DNAH2: variants seen among roughly 807,000 people sequenced by gnomAD.
DNAH2 encodes the protein axonemal beta dynein heavy chain 2.
A neutral mutation model predicts 523.5 loss-of-function variants in DNAH2; 323 were observed. The ratio of observed to expected loss-of-function variants is 0.62; its 90% CI spans 0.56 to 0.68. The LOEUF (loss-of-function observed/expected upper bound fraction) is 0.68, where lower values mean the gene tolerates loss of function less well. Ranked by LOEUF, DNAH2 falls within the 30% of genes least tolerant of loss-of-function variation. The pLI, the probability that DNAH2 is intolerant of heterozygous loss-of-function variation, is 0.00. For missense variants in DNAH2, 4,907 were observed against 5,701.5 expected (o/e 0.86, Z 4.49); for synonymous variants, 2,093 against 2,177.4 (o/e 0.96, Z 1.08).
chr17:7,730,230 A>G (rs2074945245), intron 4 of DNAH2, among the ~76,000 whole-genome samples: 1 of 152,214 alleles, frequency 6.6e-6, no homozygotes, highest in South Asian at 2.1e-4. Flanking sequence ...AGCATGTTAT[A>G]AAACCAGTAG....
rs2077945330 is a variant in DNAH2, at chr17:7,823,991, C to T, written c.11478+9C>T. On this transcript the variant is annotated intron_variant, in intron 75 of 85. Coordinates refer to ENST00000572933, the MANE Select transcript of DNAH2 (RefSeq NM_020877.5). ...TGCTGAATATGAAGTCGGTCGGTGG[C>T]TCGGCTTCCTTGTCCCCACGGCCCA... 6.2e-7 allele frequency: 1 copy of T among 1,610,154 alleles called. No individual in the cohort carries two copies. The highest frequency in any genetic ancestry group is 1.3e-5 in the African/African-American group (1 of 75,028).
chr17:7,749,636 G>A (rs1173945540), intron 12 of DNAH2, among the ~76,000 whole-genome samples: 4 of 152,046 alleles, frequency 2.6e-5, no homozygotes, highest in Non-Finnish European at 5.9e-5. Context: ...CTGCTGAGTT[G>A]AGTAATTTTA....
At chr17:7,792,562 G>T in intron 46 of DNAH2, 95 bp from the exon 47 acceptor site, 1 of 1,141,154 alleles carries the variant, frequency 8.8e-7, no homozygotes, top group South Asian at 1.4e-5. Flanking sequence ...AGGGCAGGGT[G>T]CTGATGAGAC....
intron 39 of DNAH2, among the ~76,000 whole-genome samples, chr17:7,782,704 CG>C (rs1346413346): frequency 6.6e-6 from 1 of 152,044 alleles, no homozygotes; most frequent in African/African-American, 2.4e-5. Flanking sequence ...CGGTGGTTCA[CG>C]CCTGTCATCT....
intron 11 of DNAH2, among the ~76,000 whole-genome samples, chr17:7,741,234 C>CTT (rs1567624123): frequency 0.01 from 1,356 of 135,368 alleles, 53 homozygotes; most frequent in East Asian, 0.035. Flanking sequence ...TTTTTTCTCT[C>CTT]TCTCTTTCTT....
At chr17:7,734,435 A>G in intron 6 of DNAH2, 35 bp from the exon 7 acceptor site, 1 of 1,609,310 alleles carries the variant, frequency 6.2e-7, no homozygotes, top group Non-Finnish European at 8.5e-7. Flanking sequence ...AAGCAGTGTG[A>G]AGAAACGAAG....
At position 7,764,782 on chromosome 17, in the gene DNAH2, C is replaced by CTTT. The variant is rs59188289; in HGVS notation, c.3336+529_3336+531dup. Among the ~76,000 whole-genome samples the CTTT allele has an allele frequency of 7.6e-3, 378 of 49,474 alleles. 8 individuals carry two copies. Among genetic ancestry groups the CTTT allele is most frequent in the African/African-American group, 0.03 (332 of 11,100 alleles). The allele number at this position is 49,474 out of a possible 152,430, so 32.5% of individuals were successfully genotyped here. A position where few individuals can be genotyped will look rare whatever the true frequency, so the allele number is the denominator to read the frequency against. ...CAGCTGGATTTACTTACTGTATTTA[C>CTTT]TTTTTTTTTTTTTTTTTTTTTTGGT... On this transcript the variant is annotated intron_variant, in intron 20 of 85. Coordinates refer to ENST00000572933, the MANE Select transcript of DNAH2 (RefSeq NM_020877.5).
chr17:7,805,530 A>G, intron 61 of DNAH2, 137 bp downstream of exon 61: 1 of 1,279,636 alleles, frequency 7.8e-7, no homozygotes, highest in Non-Finnish European at 1.1e-6. Context: ...CCTAGTAGAA[A>G]GGAGACCGCA....
chr17:7,817,255 G>A (rs1429393657), intron 64 of DNAH2, 35 bp from the exon 65 acceptor site: 14 of 1,576,084 alleles, frequency 8.9e-6, no homozygotes, highest in African/African-American at 1.4e-5. Context: ...GAGTGCTGGG[G>A]CCCAGGCAGG....
chr17:7,766,950 A>G (rs2076186758), intron 22 of DNAH2, among the ~76,000 whole-genome samples: 2 of 152,206 alleles, frequency 1.3e-5, no homozygotes, highest in East Asian at 3.9e-4. Flanking sequence ...ACGCCCTGCC[A>G]AAATTAACCA....
intron 12 of DNAH2, 93 bp from the exon 13 acceptor site, chr17:7,756,998 C>A: frequency 6.4e-7 from 1 of 1,553,508 alleles, no homozygotes; most frequent in South Asian, 1.2e-5. Flanking sequence ...CTCGACATTT[C>A]CCTGTGCTTC....
rs560465625 is a variant in DNAH2 at position 7,778,298 on chromosome 17, C to T, written c.5370C>T (p.Thr1790=). The part of the protein sequence containing the change: ...PLTDRCYMTL[T]TALHLHRGGS... The stretch of plus-strand genomic sequence containing the variant: ...TTCTCAGGTGTTACATGACACTGAC[C>T]ACGGCATTGCACCTGCACCGAGGGG... The change falls in exon 35 of 86, where the codon ACC becomes ACT. Residue 1790 remains threonine, a synonymous_variant. Coordinates refer to ENST00000572933, the MANE Select transcript of DNAH2 (RefSeq NM_020877.5). The T allele has an allele frequency of 6.8e-6, 11 of 1,614,152 alleles. No individual in the cohort carries two copies. In the South Asian group the frequency reaches 9.9e-5, roughly 15 times the overall value.
In DNAH2 at chr17:7,823,729, C is replaced by T. The variant is rs545812028; in HGVS notation, c.11329+101C>T. The stretch of plus-strand genomic sequence containing the variant: ...CTCCATCCCCTCTCCCAGCTGGTGC[C>T]TGCCTCCTGGCCCGGAGCACATTCC... On this transcript the variant is annotated intron_variant, in intron 74 of 85. Transcript: ENST00000572933. 5 of 1,578,118 alleles carry T rather than the reference C, an allele frequency of 3.2e-6. No individual in the cohort carries two copies. The South Asian group carries it at 4.7e-5, about 15-fold the overall frequency.
Position 7,804,373 on chromosome 17 carries a change from T to A in DNAH2, c.9090T>A (p.Asp3030Glu). ...KVQVMSLELE[D>E]AKKKVAEFQK... ...AAGTGATGTCGTTGGAGCTGGAGGA[T>A]GCCAAGAAGAAGGTGGCTGAGTTCC... Residue 3030 changes from aspartate to glutamate, a missense_variant, in exon 59 of 86, where the codon GAT (aspartate) becomes GAA (glutamate). By Grantham distance (45) the Asp-to-Glu change is conservative. Coordinates refer to ENST00000572933, the MANE Select transcript of DNAH2 (RefSeq NM_020877.5). 6.2e-7 allele frequency: 1 copy of A among 1,614,096 alleles called. No individual in the cohort carries two copies. The highest frequency in any genetic ancestry group is 8.5e-7 in the Non-Finnish European group (1 of 1,180,020).
intron 56 of DNAH2, among the ~76,000 whole-genome samples, chr17:7,799,999 C>CT (rs1402647897): frequency 3.9e-5 from 6 of 152,254 alleles, no homozygotes; most frequent in Non-Finnish European, 7.3e-5. Flanking sequence ...GCTGCTGTCT[C>CT]TTGAGTCTGA....
intron 18 of DNAH2, among the ~76,000 whole-genome samples, chr17:7,762,675 G>A (rs2076039756): frequency 1.3e-5 from 2 of 152,048 alleles, no homozygotes; most frequent in South Asian, 4.1e-4. Context: ...GGGCAGTGGG[G>A]AAGGCATTCC....
Position 7,767,892 on chromosome 17 carries a change from C to A in DNAH2, c.3676-8C>A. On this transcript the variant is annotated splice_polypyrimidine_tract_variant and splice_region_variant and intron_variant, in intron 22 of 85. Transcript: ENST00000572933. ...CCACTTCATGCAACGCGCCTTTCTGCCCTGTAGGAGCTCGATGCCCTCCAG... is the reference window on the plus strand; with the variant it reads ...CCACTTCATGCAACGCGCCTTTCTGACCTGTAGGAGCTCGATGCCCTCCAG... 1.9e-6 allele frequency: 3 copies of A among 1,614,018 alleles called. No homozygotes were observed. Among genetic ancestry groups the A allele is most frequent in the Non-Finnish European group, 2.5e-6 (3 of 1,180,004 alleles).
At chr17:7,801,257 A>G (rs1215162855) in intron 56 of DNAH2, among the ~76,000 whole-genome samples, 1 of 152,086 alleles carries the variant, frequency 6.6e-6, no homozygotes, top group Non-Finnish European at 1.5e-5. Flanking sequence ...GTGACACCTC[A>G]CTGAATCCCC....
intron 35 of DNAH2, among the ~76,000 whole-genome samples, chr17:7,778,858 T>C (rs115057940): frequency 0.02 from 3,024 of 152,354 alleles, 102 homozygotes; most frequent in African/African-American, 0.066. Flanking sequence ...CGTGAGCCAC[T>C]GCGCCCAGCC....
Sources: gnomAD v4.1 joint callset for allele counts (sites outside exome capture counted in the v4.1 genomes callset) on GRCh38, gnomAD v4.1.1 for gene constraint, MANE v1.5 for transcripts, NCBI Gene and HGNC (gene_info 2026-07-23, HGNC 2026-07-21) for gene names.